The following SCAF11 variants were observed in gnomAD, a reference collection of about 807,000 sequenced individuals.
SCAF11 encodes SR-related CTD associated factor 11.
In SCAF11, 47 loss-of-function variants were observed where a neutral mutation model predicts 140.5. That is an observed-to-expected ratio of 0.33 (90% CI 0.26 to 0.43). SCAF11 has a LOEUF of 0.43. Ranked by LOEUF, SCAF11 falls within the 20% of genes least tolerant of loss-of-function variation. The pLI is 1.00. For synonymous variants in SCAF11, 557 were observed against 579.4 expected, an observed-to-expected ratio of 0.96 and a Z score of 0.55; for missense variants, 1,645 against 1,705.1, an observed-to-expected ratio of 0.96 and a Z score of 0.62.
Position 45,937,308 on chromosome 12 carries a change from G to A in SCAF11, c.464-2803C>T, listed in dbSNP as rs146355168. Among the ~76,000 whole-genome samples, 1,092 of 151,982 alleles carry A rather than the reference G, an allele frequency of 7.2e-3. 10 individuals carry two copies. Among genetic ancestry groups the A allele is most frequent in the African/African-American group, 0.025 (1,033 of 41,460 alleles). ...TTTTGCTGTAATATTTTTAACTTCT[G>A]AAAGCTTTTTCTTAAATATTATTTT... On this transcript the variant is annotated intron_variant, in intron 6 of 14. Transcript: ENST00000369367.
intron 4 of SCAF11, among the ~76,000 whole-genome samples, chr12:45,950,614 T>C (rs1246295522): frequency 1.3e-5 from 2 of 152,236 alleles, no homozygotes; most frequent in East Asian, 3.8e-4. Context: ...ACTTCTATAA[T>C]GTTTTATCTT....
intron 8 of SCAF11, among the ~76,000 whole-genome samples, chr12:45,933,744 G>A (rs765255031): frequency 6.6e-6 from 1 of 152,006 alleles, no homozygotes; most frequent in Non-Finnish European, 1.5e-5. Flanking sequence ...TCAACTAACT[G>A]TACGTGATTT....
chr12:45,967,084 T>C (rs893161175), intron 1 of SCAF11, among the ~76,000 whole-genome samples: 3 of 152,134 alleles, frequency 2.0e-5, no homozygotes, highest in African/African-American at 7.2e-5. Context: ...ACCTGATATA[T>C]AATTTATAAT....
intron 1 of SCAF11, among the ~76,000 whole-genome samples, chr12:45,982,274 AG>A (rs1289998490): frequency 6.6e-6 from 1 of 152,192 alleles, no homozygotes; most frequent in East Asian, 1.9e-4. Context: ...TCTATGATGA[AG>A]TTTTCAGGTG....
At chr12:45,929,083 G>C in intron 10 of SCAF11, 1 of 313,710 alleles carries the variant, frequency 3.2e-6, no homozygotes, top group Non-Finnish European at 5.6e-6. Context: ...TGGTCCAAAT[G>C]GGCAATTTTA....
chr12:45,987,305 G>A (rs1451100429), intron 1 of SCAF11, among the ~76,000 whole-genome samples: 1 of 152,202 alleles, frequency 6.6e-6, no homozygotes, highest in Non-Finnish European at 1.5e-5. Context: ...CACATGCATG[G>A]ATATAAGTAA....
At chr12:45,973,015 T>G (rs987054782) in intron 1 of SCAF11, among the ~76,000 whole-genome samples, 2 of 145,716 alleles carry the variant, frequency 1.4e-5, no homozygotes, top group African/African-American at 2.5e-5. Flanking sequence ...TATATATAGA[T>G]ATATAGATAT....
At chr12:45,949,618 AC>A (rs1175595758) in intron 4 of SCAF11, among the ~76,000 whole-genome samples, 1 of 152,182 alleles carries the variant, frequency 6.6e-6, no homozygotes, top group Admixed American at 6.5e-5. Flanking sequence ...GCAGAAAAAA[AC>A]AGATGAGGGA....
intron 1 of SCAF11, among the ~76,000 whole-genome samples, chr12:45,977,007 A>T (rs1946249784): frequency 6.6e-6 from 1 of 152,100 alleles, no homozygotes; most frequent in Non-Finnish European, 1.5e-5. Context: ...TGTAGTTAAA[A>T]GCCTTCCAAA....
At chr12:45,977,125 A>G (rs549972819) in intron 1 of SCAF11, among the ~76,000 whole-genome samples, 81 of 152,188 alleles carry the variant, frequency 5.3e-4, no homozygotes, top group South Asian at 3.1e-3. Flanking sequence ...GAAGATGAAC[A>G]CTTCCCAAAT....
At chr12:45,972,987 GATATAGATATATAGATATATATATAGAT>G (rs1946143680) in intron 1 of SCAF11, among the ~76,000 whole-genome samples, 1 of 132,806 alleles carries the variant, frequency 7.5e-6, no homozygotes, top group African/African-American at 3.2e-5. Flanking sequence ...TAGATATATA[GATATAGATATATAGATATATATATAGAT>G]ATATAGATAT....
intron 1 of SCAF11, among the ~76,000 whole-genome samples, chr12:45,973,132 C>A (rs2136644993): frequency 6.7e-6 from 1 of 148,948 alleles, no homozygotes; most frequent in South Asian, 2.1e-4. Flanking sequence ...TAAAGAACAA[C>A]CAAATGGAAA....
chr12:45,935,759 T>A (rs1196434040), intron 6 of SCAF11, among the ~76,000 whole-genome samples: 1 of 152,256 alleles, frequency 6.6e-6, no homozygotes, highest in East Asian at 1.9e-4. Flanking sequence ...CAATGCTACA[T>A]GTGAAAATCC....
chr12:45,928,145 C>G lies in SCAF11; in HGVS notation c.1556G>C (p.Gly519Ala). ...SEISENILEK[G>A]GDPLEKQDQI... ...GTCTTGCTTTTCCAATGGATCACCT[C>G]CTTTTTCAAGAATATTTTCAGAAAT... The change falls in exon 11 of 15, where the codon GGA becomes GCA. Residue 519 changes from glycine to alanine, a missense_variant. Physicochemically the swap from Gly to Ala is moderately conservative, Grantham distance 60 (BLOSUM62 0). Coordinates refer to ENST00000369367, the MANE Select transcript of SCAF11 (RefSeq NM_004719.3). The G allele has an allele frequency of 6.2e-7, 1 of 1,613,980 alleles. No homozygotes were observed. The highest frequency in any genetic ancestry group is 1.3e-5 in the African/African-American group (1 of 75,054).
At chr12:45,979,120 A>G (rs1946297602) in intron 1 of SCAF11, among the ~76,000 whole-genome samples, 1 of 140,596 alleles carries the variant, frequency 7.1e-6, no homozygotes, top group Non-Finnish European at 1.6e-5. Flanking sequence ...CTATGCCCTC[A>G]TGGATGGAAT....
At chr12:45,948,403 C>A in intron 5 of SCAF11, 34 bp downstream of exon 5, 1 of 1,375,646 alleles carries the variant, frequency 7.3e-7, no homozygotes, top group South Asian at 1.2e-5. Flanking sequence ...CTGTTCCACT[C>A]ATTTGCATTC....
chr12:45,940,200 G>A (rs935505802), intron 6 of SCAF11, among the ~76,000 whole-genome samples: 1 of 152,060 alleles, frequency 6.6e-6, no homozygotes, highest in African/African-American at 2.4e-5. Flanking sequence ...AACTCTTAAA[G>A]GTTCTAATCT....
chr12:45,931,520 G>T lies in SCAF11; in HGVS notation c.827C>A (p.Ser276Tyr). 7.0e-7 allele frequency: 1 copy of T among 1,437,922 alleles called. No homozygotes were observed. The highest frequency in any genetic ancestry group is 1.7e-5 in the South Asian group (1 of 59,094). 89.1% of individuals were successfully genotyped at this position (1,437,922 alleles called of 1,614,324 possible). A position where few individuals can be genotyped will look rare whatever the true frequency, so the allele number is the denominator to read the frequency against. ...PRTIFPTSTI[S>Y]FEHFGTSCKG... ...ACAAACTTTACCAAAATGTTCGAAA[G>T]ATATGGTACTTGTTGGAAAAATAGT... is the stretch of plus-strand genomic sequence containing the variant. Residue 276 changes from serine (S) to tyrosine (Y), a missense_variant, in exon 10 of 15, where the codon TCT (serine) becomes TAT (tyrosine). Around this residue, in one of 2 missense-constraint regions of SCAF11, gnomAD observed 1,582 missense variants for 1,609.2 expected, o/e 0.98. Transcript: ENST00000369367.
chr12:45,981,917 CTGAA>C (rs1253890645), intron 1 of SCAF11, among the ~76,000 whole-genome samples: 2 of 152,088 alleles, frequency 1.3e-5, no homozygotes, highest in Admixed American at 6.5e-5. Flanking sequence ...TAAAGAAAGA[CTGAA>C]TTATATGCCT....
Sources: gnomAD v4.1 joint callset for allele counts (sites outside exome capture counted in the v4.1 genomes callset) on GRCh38, gnomAD v4.1.1 for gene constraint, gnomAD v4.1.1 regional missense constraint, MANE v1.5 for transcripts, NCBI Gene and HGNC (gene_info 2026-07-23, HGNC 2026-07-21) for gene names.